Variants in CNTN5 observed in about 807,000 individuals in gnomAD.
The protein encoded by CNTN5 is contactin 5.
A neutral mutation model predicts 129.1 loss-of-function variants in CNTN5; 77 were observed. That is an observed-to-expected ratio of 0.60 (90% CI 0.50 to 0.72). The LOEUF is 0.72. CNTN5 is among the 30% of genes least tolerant of loss of function. The probability of loss-of-function intolerance (pLI) is 0.00; values close to 1 mark genes in which losing one functional copy is unlikely to be tolerated. For missense variants in CNTN5, 1,478 were observed against 1,328.8 expected (o/e 1.11, Z -1.75); for synonymous variants, 509 against 465.6 (o/e 1.09, Z -1.20).
At chr11:99,887,119 GTTAAAACATTAAATATTTTATT>G (rs1451692309) in intron 6 of CNTN5, among the ~76,000 whole-genome samples, 2 of 152,064 alleles carry the variant, frequency 1.3e-5, no homozygotes, top group African/African-American at 4.8e-5. Context: ...TTATTGTGTG[GTTAAAACATTAAATATTTTATT>G]TCTTTATGTT....
intron 2 of CNTN5, among the ~76,000 whole-genome samples, chr11:99,362,087 C>A (rs751474698): frequency 6.6e-6 from 1 of 152,090 alleles, no homozygotes; most frequent in Non-Finnish European, 1.5e-5. Flanking sequence ...TGTATTCCCA[C>A]TATCAACTCA....
chr11:99,162,729 T>C (rs890956984), intron 1 of CNTN5, among the ~76,000 whole-genome samples: 1 of 152,160 alleles, frequency 6.6e-6, no homozygotes, highest in Admixed American at 6.6e-5. Context: ...GTATGACTAG[T>C]TTCTTCCATT....
rs756254551 is a variant in CNTN5, at chr11:100,271,181, A to T, written c.2254A>T (p.Asn752Tyr). The change falls in exon 18 of 25, where the codon AAC (asparagine) becomes TAC (tyrosine). Residue 752 changes from asparagine (N) to tyrosine (Y), a missense_variant. Physicochemically the swap from Asn to Tyr is moderately radical, Grantham distance 143 (BLOSUM62 -2). Coordinates refer to ENST00000524871, the MANE Select transcript of CNTN5 (RefSeq NM_014361.4). ...ATATGAATTTCGAGTGGTAGCCACC[A>T]ACCCTATTGGGACAGGAGATCCAAG... ...VEYEFRVVAT[N>Y]PIGTGDPSTP... The T allele has an allele frequency of 1.2e-6, 2 of 1,613,440 alleles. No individual in the cohort carries two copies. Among genetic ancestry groups the T allele is most frequent in the Non-Finnish European group, 1.7e-6 (2 of 1,179,680 alleles).
intron 8 of CNTN5, among the ~76,000 whole-genome samples, chr11:99,964,754 C>A (rs186391397): frequency 6.6e-6 from 1 of 152,080 alleles, no homozygotes; most frequent in Non-Finnish European, 1.5e-5. Context: ...CTTCTTGTAC[C>A]TCTGGTAGAA....
At chr11:99,329,444 A>G (rs1482522330) in intron 2 of CNTN5, among the ~76,000 whole-genome samples, 1 of 152,208 alleles carries the variant, frequency 6.6e-6, no homozygotes, top group African/African-American at 2.4e-5. Context: ...TTTTGAGTAT[A>G]AGAAAATTTC....
intron 21 of CNTN5, chr11:100,309,077 T>C: frequency 1.0e-6 from 1 of 985,160 alleles, no homozygotes; most frequent in South Asian, 4.7e-5. Context: ...TATTTTATGA[T>C]AACAAGGTTT....
At chr11:99,778,199 T>G (rs1945191647) in intron 3 of CNTN5, among the ~76,000 whole-genome samples, 1 of 151,796 alleles carries the variant, frequency 6.6e-6, no homozygotes, top group East Asian at 2.0e-4. Context: ...TTGTGATGGA[T>G]TCCCAAAAAC....
At chr11:99,407,125 T>A (rs1230594958) in intron 2 of CNTN5, among the ~76,000 whole-genome samples, 2 of 152,092 alleles carry the variant, frequency 1.3e-5, no homozygotes, top group Non-Finnish European at 2.9e-5. Flanking sequence ...CAATAGTAGT[T>A]TTGCCCCATA....
intron 3 of CNTN5, among the ~76,000 whole-genome samples, chr11:99,571,917 T>C (rs1052221229): frequency 2.0e-5 from 3 of 152,162 alleles, no homozygotes; most frequent in Non-Finnish European, 4.4e-5. Context: ...ATAAAGACTT[T>C]GAAGAAAGTA....
At chr11:100,170,288 T>C (rs1186306138) in intron 13 of CNTN5, among the ~76,000 whole-genome samples, 2 of 152,026 alleles carry the variant, frequency 1.3e-5, no homozygotes, top group African/African-American at 4.8e-5. Context: ...AATCTGTGTA[T>C]GATTTTGTTT....
chr11:99,982,199 C>T (rs977437616), intron 8 of CNTN5, among the ~76,000 whole-genome samples: 2 of 152,054 alleles, frequency 1.3e-5, no homozygotes, highest in Admixed American at 6.5e-5. Context: ...CTGAACAGAG[C>T]CGGGGCTATG....
At chr11:99,545,308 T>G (rs1357479002) in intron 2 of CNTN5, among the ~76,000 whole-genome samples, 1 of 152,216 alleles carries the variant, frequency 6.6e-6, no homozygotes, top group Non-Finnish European at 1.5e-5. Flanking sequence ...TAAATGCAAT[T>G]TAGCCCTGTG....
intron 13 of CNTN5, among the ~76,000 whole-genome samples, chr11:100,101,679 C>G (rs1945229527): frequency 6.6e-6 from 1 of 152,026 alleles, no homozygotes; most frequent in African/African-American, 2.4e-5. Flanking sequence ...GCACCTGTCA[C>G]CAGGGCAGAG....
At chr11:99,491,291 C>T (rs1420485714) in intron 2 of CNTN5, among the ~76,000 whole-genome samples, 2 of 152,138 alleles carry the variant, frequency 1.3e-5, no homozygotes, top group African/African-American at 2.4e-5. Flanking sequence ...CAGTCTTTCT[C>T]CTTATTCCTA....
intron 9 of CNTN5, among the ~76,000 whole-genome samples, chr11:100,047,381 G>T (rs561963281): frequency 1.9e-4 from 29 of 152,118 alleles, no homozygotes; most frequent in African/African-American, 6.0e-4. Context: ...GTTTTACAAG[G>T]ATTAAACTAA....
intron 23 of CNTN5, among the ~76,000 whole-genome samples, chr11:100,350,093 C>T (rs775350113): frequency 6.6e-6 from 1 of 151,768 alleles, no homozygotes; most frequent in South Asian, 2.1e-4. Context: ...AAAAAGCAAA[C>T]CACTACAAAA....
chr11:99,845,458 C>T (rs1327240428), intron 6 of CNTN5, among the ~76,000 whole-genome samples, 196 bp downstream of exon 6: 6 of 144,432 alleles, frequency 4.2e-5, no homozygotes, highest in Admixed American at 1.4e-4. Context: ...CTGCAAGCTC[C>T]GCCTCCCGGG....
At chr11:99,268,550 G>A (rs1040126760) in intron 1 of CNTN5, among the ~76,000 whole-genome samples, 3 of 151,784 alleles carry the variant, frequency 2.0e-5, no homozygotes, top group Non-Finnish European at 4.4e-5. Context: ...GACCCTGAAA[G>A]GTGTTTATTC....
intron 3 of CNTN5, among the ~76,000 whole-genome samples, chr11:99,757,324 T>C (rs892219015): frequency 3.3e-5 from 5 of 151,906 alleles, no homozygotes; most frequent in Non-Finnish European, 7.4e-5. Flanking sequence ...ATAAGTTCAT[T>C]TTAACTTGAT....
Sources: gnomAD v4.1 joint callset for allele counts (sites outside exome capture counted in the v4.1 genomes callset) on GRCh38, gnomAD v4.1.1 for gene constraint, MANE v1.5 for transcripts, NCBI Gene and HGNC (gene_info 2026-07-23, HGNC 2026-07-21) for gene names.